The following ACVR2A variants were observed in gnomAD, a reference collection of about 807,000 sequenced individuals.
ACVR2A encodes the protein activin receptor type-2A.
In ACVR2A, 7 loss-of-function variants were observed where a neutral mutation model predicts 61.4. The observed-to-expected ratio is 0.11, with a 90% CI of 0.06 to 0.21. The LOEUF is 0.21. Among genes scored for constraint, ACVR2A ranks in the 10% least tolerant of loss-of-function variants. The pLI is 1.00. For synonymous variants in ACVR2A, 193 were observed against 208.3 expected (o/e 0.93, Z 0.63); for missense variants, 322 against 621.7 (o/e 0.52, Z 5.13).
At chr2:147,869,364 TGCTTATTC>T (rs141938566) in intron 1 of ACVR2A, among the ~76,000 whole-genome samples, 58,468 of 151,610 alleles carry the variant, frequency 0.39, 11,667 homozygotes, top group South Asian at 0.5. Context: ...CCTTGACGTT[TGCTTATTC>T]CCTTAAGCCA....
At chr2:147,906,514 G>A (rs193276267) in intron 4 of ACVR2A, among the ~76,000 whole-genome samples, 9 of 152,248 alleles carry the variant, frequency 5.9e-5, no homozygotes, top group African/African-American at 2.2e-4. Context: ...GAGGAAGGGA[G>A]GAAAAATGTC....
In ACVR2A at chr2:147,896,406, A is replaced by G; in HGVS notation, c.161A>G (p.Lys54Arg). ...QTGVEPCYGD[K>R]DKRRHCFATW... ...GGTGTTGAACCGTGTTATGGTGACA[A>G]AGATAAACGGCGGCATTGTTTTGCT... Residue 54 changes from lysine to arginine, a missense_variant, in exon 2 of 11, where the codon AAA becomes AGA. Physicochemically the swap from Lys to Arg is conservative, Grantham distance 26 (BLOSUM62 2). Transcript: ENST00000241416. 1 of 1,614,036 alleles carries G rather than the reference A, an allele frequency of 6.2e-7. No homozygotes were observed. The highest frequency in any genetic ancestry group is 8.5e-7 in the Non-Finnish European group (1 of 1,179,962).
rs776542712 is a variant in ACVR2A at position 147,896,391 on chromosome 2, C to T, written c.146C>T (p.Pro49Leu). ...AGAACCAATCAAACTGGTGTTGAACCGTGTTATGGTGACAAAGATAAACGG... is the reference window on the plus strand; with the variant it reads ...AGAACCAATCAAACTGGTGTTGAACTGTGTTATGGTGACAAAGATAAACGG... ...KDRTNQTGVE[P>L]CYGDKDKRRH... is the part of the protein sequence containing the mutation. The change falls in exon 2 of 11, where the codon CCG (proline) becomes CTG (leucine). Residue 49 changes from proline to leucine, a missense_variant. Pro to Leu is a moderately conservative substitution (Grantham distance 98). Transcript: ENST00000241416. 18 of 1,613,718 alleles carry T rather than the reference C, an allele frequency of 1.1e-5. No individual in the cohort carries two copies. Among genetic ancestry groups the T allele is most frequent in the South Asian group, 4.4e-5 (4 of 91,062 alleles).
chr2:147,862,598 G>A (rs982799558), intron 1 of ACVR2A, among the ~76,000 whole-genome samples: 2 of 151,982 alleles, frequency 1.3e-5, no homozygotes, highest in Non-Finnish European at 2.9e-5. Flanking sequence ...ATGAAAATTA[G>A]CCGGGTGTGG....
intron 4 of ACVR2A, among the ~76,000 whole-genome samples, chr2:147,913,145 A>G (rs1032169606): frequency 1.3e-5 from 2 of 151,838 alleles, no homozygotes; most frequent in African/African-American, 4.8e-5. Context: ...AATTAATGTT[A>G]TACTAAAATC....
rs1191653857 is a variant in ACVR2A at position 147,930,482 on chromosome 2, T to C, written c.*3208T>C. 3 of 152,420 alleles carry C rather than the reference T, an allele frequency of 2.0e-5. No homozygotes were observed. The highest frequency in any genetic ancestry group is 2.9e-5 in the Non-Finnish European group (2 of 67,970). 9.4% of individuals were successfully genotyped at this position (152,420 alleles called of 1,614,324 possible). A position where few individuals can be genotyped will look rare whatever the true frequency, so the allele number is the denominator to read the frequency against. On this transcript the variant is annotated 3_prime_UTR_variant, in exon 11 of 11. Transcript: ENST00000241416. ...ATATGCATAAAATTATTTATCCATT[T>C]ATGGGCAAAATGATACAAGTAGCAT...
intron 1 of ACVR2A, among the ~76,000 whole-genome samples, chr2:147,852,692 G>A (rs942226024): frequency 6.6e-6 from 1 of 152,054 alleles, no homozygotes; most frequent in Non-Finnish European, 1.5e-5. Context: ...TAATTTTGGG[G>A]AGTTGGGATT....
At chr2:147,907,726 T>TA (rs1239262608) in intron 4 of ACVR2A, among the ~76,000 whole-genome samples, 8 of 152,022 alleles carry the variant, frequency 5.3e-5, no homozygotes, top group African/African-American at 1.7e-4. Context: ...GTGGAGTCCA[T>TA]AAAAAAACCA....
At position 147,918,380 on chromosome 2, in the gene ACVR2A, GA is replaced by G. The variant is rs1278712250; in HGVS notation, c.817-63del. The G allele has an allele frequency of 2.1e-6, 3 of 1,397,440 alleles. No homozygotes were observed. The East Asian group carries it at 7.4e-5, about 34-fold the overall frequency. 86.6% of individuals were successfully genotyped at this position (1,397,440 alleles called of 1,614,324 possible). The stretch of plus-strand genomic sequence containing the variant: ...ACTCACAACCTCTTATAGGTAAAAA[GA>G]AAAGTCTCCTTATACATATGGCCTT... On this transcript the variant is annotated intron_variant, in intron 6 of 10. Transcript: ENST00000241416.
At chr2:147,857,541 A>C (rs990566227) in intron 1 of ACVR2A, among the ~76,000 whole-genome samples, 11 of 149,366 alleles carry the variant, frequency 7.4e-5, no homozygotes, top group African/African-American at 2.3e-4. Context: ...TTAAAAAAAA[A>C]AAAAAAAAAA....
At chr2:147,856,499 G>T (rs1464001920) in intron 1 of ACVR2A, among the ~76,000 whole-genome samples, 1 of 152,100 alleles carries the variant, frequency 6.6e-6, no homozygotes, top group Non-Finnish European at 1.5e-5. Context: ...TCTAGAAGAA[G>T]AACTGGATGC....
At chr2:147,893,419 C>G (rs1686639246) in intron 1 of ACVR2A, among the ~76,000 whole-genome samples, 1 of 152,036 alleles carries the variant, frequency 6.6e-6, no homozygotes, top group East Asian at 1.9e-4. Flanking sequence ...GGTAGTATGG[C>G]TGGTGTATGT....
intron 1 of ACVR2A, among the ~76,000 whole-genome samples, chr2:147,861,809 G>C (rs1685733091): frequency 1.3e-5 from 2 of 152,134 alleles, no homozygotes; most frequent in Non-Finnish European, 2.9e-5. Context: ...AGATAAAGTG[G>C]TGTGAATGTG....
intron 1 of ACVR2A, among the ~76,000 whole-genome samples, chr2:147,848,918 A>G (rs1685384346): frequency 6.6e-6 from 1 of 152,150 alleles, no homozygotes; most frequent in Non-Finnish European, 1.5e-5. Flanking sequence ...AGTAATCTAA[A>G]TTTTACAAGT....
At chr2:147,889,985 T>C (rs1471028851) in intron 1 of ACVR2A, among the ~76,000 whole-genome samples, 1 of 151,786 alleles carries the variant, frequency 6.6e-6, no homozygotes, top group Non-Finnish European at 1.5e-5. Flanking sequence ...TGGAAAAGAA[T>C]TTGGAAATTG....
chr2:147,919,613 A>C (rs1380134106), intron 7 of ACVR2A, among the ~76,000 whole-genome samples: 3 of 152,204 alleles, frequency 2.0e-5, no homozygotes, highest in African/African-American at 7.2e-5. Flanking sequence ...AGGATGAGCC[A>C]GTTGAGACAG....
intron 6 of ACVR2A, 98 bp downstream of exon 6, chr2:147,917,524 A>G (rs575225838): frequency 4.2e-5 from 52 of 1,229,812 alleles, no homozygotes; most frequent in Non-Finnish European, 5.7e-5. Flanking sequence ...GAGACATCTT[A>G]TAGTTGATTA....
intron 8 of ACVR2A, 51 bp from the exon 9 acceptor site, chr2:147,922,918 TGTTA>T (rs755652703): frequency 3.2e-6 from 5 of 1,569,550 alleles, no homozygotes; most frequent in East Asian, 2.2e-5. Flanking sequence ...CAAAATCATA[TGTTA>T]GTTCATAAAG....
At position 147,849,738 on chromosome 2, in the gene ACVR2A, A is replaced by G. The variant is rs377658086; in HGVS notation, c.55+4531A>G. 5.9e-5 allele frequency among the ~76,000 whole-genome samples: 9 copies of G among 152,244 alleles called. No homozygotes were observed. In the South Asian group the frequency reaches 1.0e-3, roughly 18 times the overall value. On this transcript the variant is annotated intron_variant, in intron 1 of 10. Coordinates refer to ENST00000241416, the MANE Select transcript of ACVR2A (RefSeq NM_001616.5). ...GGAAAATTCTGAAGTCATTCCCACAAATGGTGTCCAAATGAGCCTCACAGT... is the reference window on the plus strand; with the variant it reads ...GGAAAATTCTGAAGTCATTCCCACAGATGGTGTCCAAATGAGCCTCACAGT...
Sources: allele counts gnomAD v4.1 joint callset (sites outside exome capture counted in the v4.1 genomes callset), GRCh38; gene constraint gnomAD v4.1.1; transcripts MANE v1.5; gene names NCBI Gene and HGNC (gene_info 2026-07-23, HGNC 2026-07-21).